WNT11: variants seen among roughly 807,000 people sequenced by gnomAD.
The protein encoded by WNT11 is protein Wnt-11.
A neutral mutation model predicts 35.6 loss-of-function variants in WNT11; 20 were observed. The observed-to-expected ratio is 0.56, with a 90% confidence interval of 0.40 to 0.82. The LOEUF (loss-of-function observed/expected upper bound fraction) is 0.82. WNT11 is among the 40% of genes least tolerant of loss of function. The probability of loss-of-function intolerance (pLI) is 0.00; values close to 1 mark genes in which losing one functional copy is unlikely to be tolerated. For missense variants in WNT11, 459 were observed against 504.4 expected (o/e 0.91, Z 0.86); for synonymous variants, 200 against 211.9 (o/e 0.94, Z 0.49).
At chr11:76,188,351 G>A (rs369728363) in intron 4 of WNT11, among the ~76,000 whole-genome samples, 2 of 152,268 alleles carry the variant, frequency 1.3e-5, no homozygotes, top group East Asian at 3.8e-4. Context: ...TACCCTAAAG[G>A]GTGGGGCATG....
intron 1 of WNT11, among the ~76,000 whole-genome samples, chr11:76,204,624 T>TC (rs1442554435): frequency 4.6e-5 from 7 of 152,114 alleles, no homozygotes; most frequent in African/African-American, 1.7e-4. Context: ...TATGTCCATC[T>TC]CCCCCAAGAG....
intron 4 of WNT11, among the ~76,000 whole-genome samples, chr11:76,189,574 C>A (rs954728991): frequency 1.3e-5 from 2 of 152,192 alleles, no homozygotes; most frequent in African/African-American, 4.8e-5. Flanking sequence ...AGAGATACCC[C>A]GCATGCACAC....
upstream of WNT11, chr11:76,210,520 C>T (rs1208861895): frequency 1.0e-6 from 1 of 985,184 alleles, no homozygotes; most frequent in Non-Finnish European, 1.2e-6. Context: ...GTGCCCCGGC[C>T]TGCCCAGGGA....
upstream of WNT11, among the ~76,000 whole-genome samples, chr11:76,209,460 C>T (rs1942477857): frequency 6.6e-6 from 1 of 152,140 alleles, no homozygotes; most frequent in Non-Finnish European, 1.5e-5. Flanking sequence ...GCACCGGGGC[C>T]GATTGTCCGC....
upstream of WNT11, chr11:76,210,712 C>T (rs1565200143): frequency 3.1e-6 from 3 of 975,108 alleles, no homozygotes; most frequent in African/African-American, 5.3e-5. Context: ...GCTCCCGTGG[C>T]CTGTGCTCGC....
intron 4 of WNT11, among the ~76,000 whole-genome samples, chr11:76,190,386 C>T (rs1405671871): frequency 6.6e-6 from 1 of 152,150 alleles, no homozygotes; most frequent in Non-Finnish European, 1.5e-5. Flanking sequence ...CTTCCTGTCT[C>T]CCTGGCCTGA....
At chr11:76,187,276 T>TTTAATGATAC in intron 4 of WNT11, 37 bp from the exon 5 acceptor site, 1 of 1,580,434 alleles carries the variant, frequency 6.3e-7, no homozygotes, top group Admixed American at 1.7e-5. Flanking sequence ...GTGCATGCCT[T>TTTAATGATAC]GGTCACCACC....
At chr11:76,187,651 A>C (rs1953118899) in intron 4 of WNT11, among the ~76,000 whole-genome samples, 1 of 150,800 alleles carries the variant, frequency 6.6e-6, no homozygotes, top group Non-Finnish European at 1.5e-5. Flanking sequence ...ATGTCCGGCT[A>C]ATTTTTTATT....
chr11:76,207,010 G>A (rs1452021160), upstream of WNT11: 1 of 152,308 alleles, frequency 6.6e-6, no homozygotes, highest in African/African-American at 2.4e-5. Flanking sequence ...TCCCAAACGT[G>A]TTTCAGTTTA....
chr11:76,194,510 T>A lies in WNT11; in HGVS notation c.597+57A>T. 6.7e-7 allele frequency: 1 copy of A among 1,499,290 alleles called. No homozygotes were observed. The highest frequency in any genetic ancestry group is 8.9e-7 in the Non-Finnish European group (1 of 1,119,010). 92.9% of individuals were successfully genotyped at this position (1,499,290 alleles called of 1,614,324 possible). A position where few individuals can be genotyped will look rare whatever the true frequency, so the allele number is the denominator to read the frequency against. On this transcript the variant is annotated intron_variant, in intron 3 of 4. Transcript: ENST00000322563. The surrounding 1 kb of genome is among the most constrained non-coding windows in gnomAD (Gnocchi z 5.4). ...ACCACTGGGGCAAGCTGGGTGGCCC[T>A]TTTCTGGCCAATGGCACAAGCACAA...
chr11:76,196,609 G>T lies in WNT11; in HGVS notation c.193C>A (p.Leu65Ile). The T allele has an allele frequency of 6.2e-7, 1 of 1,613,694 alleles. No homozygotes were observed. The highest frequency in any genetic ancestry group is 1.1e-5 in the South Asian group (1 of 91,084). ...QVQLCRSNLE[L>I]MHTVVHAARE... ...GCGGCGTGCACCACCGTGTGCATGA[G>T]CTCCAGGTTGCTGCGGCACAGCTGC... Residue 65 changes from leucine (L) to isoleucine (I), a missense_variant, in exon 2 of 5, where the codon CTC (leucine) becomes ATC (isoleucine). Leu to Ile is a conservative substitution (Grantham distance 5). Coordinates refer to ENST00000322563, the MANE Select transcript of WNT11 (RefSeq NM_004626.3).
chr11:76,193,532 G>A (rs1953220447), intron 3 of WNT11, among the ~76,000 whole-genome samples: 1 of 152,264 alleles, frequency 6.6e-6, no homozygotes, highest in African/African-American at 2.4e-5. Flanking sequence ...GGAGTCCTGA[G>A]TCCCTGGCCA....
At chr11:76,195,911 A>G (rs1459703933) in intron 2 of WNT11, among the ~76,000 whole-genome samples, 1 of 152,206 alleles carries the variant, frequency 6.6e-6, no homozygotes, top group Admixed American at 6.5e-5. Context: ...GATTACACCT[A>G]CTGGGGCGCT....
chr11:76,206,281 C>T (rs768114593), intron 1 of WNT11, 44 bp downstream of exon 1: 26 of 1,399,908 alleles, frequency 1.9e-5, no homozygotes, highest in Middle Eastern at 3.7e-4. Context: ...CCTCCGCCGC[C>T]CCAGTCCCTG....
At chr11:76,191,961 C>T (rs553357960) in intron 3 of WNT11, 105 bp from the exon 4 acceptor site, 2 of 1,367,774 alleles carry the variant, frequency 1.5e-6, no homozygotes, top group Non-Finnish European at 1.9e-6. Context: ...CAGGGAGTCA[C>T]TGCCTGCTGG....
At position 76,191,656 on chromosome 11, in the gene WNT11, C is replaced by A. The variant is rs1953186179; in HGVS notation, c.798G>T (p.Arg266=). ...KHLVPKDLDI[R]PVKDSELVYL... ...AGACGAGTTCCGAGTCCTTCACAGG[C>A]CGGATATCCAGGTCCTTGGGCACCA... Residue 266 remains arginine (R), a synonymous_variant, in exon 4 of 5, where the codon CGG becomes CGT. Coordinates refer to ENST00000322563, the MANE Select transcript of WNT11 (RefSeq NM_004626.3). The A allele has an allele frequency of 2.7e-5, 44 of 1,614,052 alleles. No individual in the cohort carries two copies. The highest frequency in any genetic ancestry group is 3.7e-5 in the Non-Finnish European group (44 of 1,180,038).
At chr11:76,201,289 G>A (rs12291326) in intron 1 of WNT11, among the ~76,000 whole-genome samples, 2,012 of 152,334 alleles carry the variant, frequency 0.013, 50 homozygotes, top group African/African-American at 0.046. Flanking sequence ...GCTGCCATGC[G>A]TACTAGGGAG....
At chr11:76,210,645 C>CT (rs1275567635), upstream of WNT11, 11 of 985,248 alleles carry the variant, frequency 1.1e-5, no homozygotes, top group Admixed American at 6.8e-4. Context: ...AAGCTGCGGC[C>CT]GGCTCAGGAC....
In WNT11 at chr11:76,186,785, G is replaced by A; in HGVS notation, c.*280C>T. ...TCTGTATCAGTCTCACCGATCCCAAGCCCCGCTCCTTACACCAGCCTGTGG... is the reference window on the plus strand; with the variant it reads ...TCTGTATCAGTCTCACCGATCCCAAACCCCGCTCCTTACACCAGCCTGTGG... On this transcript the variant is annotated 3_prime_UTR_variant, in exon 5 of 5. Transcript: ENST00000322563. 1 of 555,210 alleles carries A rather than the reference G, an allele frequency of 1.8e-6. No individual in the cohort carries two copies. Among genetic ancestry groups the A allele is most frequent in the Non-Finnish European group, 3.4e-6 (1 of 291,882 alleles). The allele number at this position is 555,210 out of a possible 1,614,324, so 34.4% of individuals were successfully genotyped here. A position where few individuals can be genotyped will look rare whatever the true frequency, so the allele number is the denominator to read the frequency against.
Sources: allele counts gnomAD v4.1 joint callset (sites outside exome capture counted in the v4.1 genomes callset), GRCh38; gene constraint gnomAD v4.1.1; non-coding constraint Gnocchi (gnomAD v3.1); transcripts MANE v1.5; gene names NCBI Gene and HGNC (gene_info 2026-07-23, HGNC 2026-07-21).